The following MEOX2 variants were observed in gnomAD, a reference collection of about 807,000 sequenced individuals.
The protein encoded by MEOX2 is homeobox protein MOX-2.
In MEOX2, 11 loss-of-function variants were observed where a neutral mutation model predicts 27.0. The observed-to-expected ratio is 0.41, with a 90% CI of 0.26 to 0.68. The LOEUF (loss-of-function observed/expected upper bound fraction) is 0.68. Ranked by LOEUF, MEOX2 falls within the 30% of genes least tolerant of loss-of-function variation. The pLI is 0.33. For missense variants in MEOX2, 436 were observed against 385.4 expected (o/e 1.13, Z -1.10); for synonymous variants, 189 against 155.4 (o/e 1.22, Z -1.61).
At chr7:15,654,024 T>A (rs1235023968) in intron 1 of MEOX2, among the ~76,000 whole-genome samples, 2 of 151,960 alleles carry the variant, frequency 1.3e-5, no homozygotes, top group African/African-American at 4.8e-5. Flanking sequence ...CTATGTTAAA[T>A]TTTCCAGTCC....
chr7:15,626,755 A>G lies in MEOX2; in HGVS notation c.681T>C (p.Thr227=). The G allele has an allele frequency of 6.2e-7, 1 of 1,607,670 alleles. No individual in the cohort carries two copies. The highest frequency in any genetic ancestry group is 8.5e-7 in the Non-Finnish European group (1 of 1,176,528). The part of the protein sequence containing the change: ...RYEIAVNLDL[T]ERQVKVWFQN... ...TAATGCCCAGCTTTACCTGTCTTTCAGTGAGATCCAGATTCACTGCTATCT... is the reference window on the plus strand; with the variant it reads ...TAATGCCCAGCTTTACCTGTCTTTCGGTGAGATCCAGATTCACTGCTATCT... Residue 227 remains threonine, a synonymous_variant, in exon 2 of 3, where the codon ACT becomes ACC. Transcript: ENST00000262041.
At chr7:15,650,984 G>T (rs1387750684) in intron 1 of MEOX2, among the ~76,000 whole-genome samples, 2 of 151,992 alleles carry the variant, frequency 1.3e-5, no homozygotes, top group African/African-American at 4.8e-5. Flanking sequence ...ACAGAAGACT[G>T]AGATAGAGCA....
At chr7:15,633,409 C>T (rs1222521273) in intron 1 of MEOX2, among the ~76,000 whole-genome samples, 1 of 151,758 alleles carries the variant, frequency 6.6e-6, no homozygotes, top group Non-Finnish European at 1.5e-5. Flanking sequence ...AGTAACTTGG[C>T]AAAGGCAGAA....
At chr7:15,666,052 T>C (rs1286400210) in intron 1 of MEOX2, among the ~76,000 whole-genome samples, 1 of 152,076 alleles carries the variant, frequency 6.6e-6, no homozygotes, top group East Asian at 1.9e-4. Flanking sequence ...TGTTCAAATG[T>C]AGACTGCAGG....
intron 1 of MEOX2, among the ~76,000 whole-genome samples, chr7:15,637,249 C>G (rs1781492982): frequency 6.6e-6 from 1 of 151,950 alleles, no homozygotes; most frequent in African/African-American, 2.4e-5. Flanking sequence ...GAATGTGAAG[C>G]TTTCATCTAG....
intron 2 of MEOX2, among the ~76,000 whole-genome samples, chr7:15,614,077 TG>T (rs1781080810): frequency 6.6e-6 from 1 of 151,626 alleles, no homozygotes; most frequent in Admixed American, 6.6e-5. Context: ...ACTAGTGTTT[TG>T]TGTTTTCTTT....
chr7:15,673,830 A>C (rs909390391), intron 1 of MEOX2, among the ~76,000 whole-genome samples: 1 of 152,134 alleles, frequency 6.6e-6, no homozygotes, highest in Non-Finnish European at 1.5e-5. Context: ...GAAAACTTGA[A>C]TGTAGCTAAA....
At chr7:15,661,524 G>A (rs1781917997) in intron 1 of MEOX2, among the ~76,000 whole-genome samples, 1 of 152,162 alleles carries the variant, frequency 6.6e-6, no homozygotes, top group Admixed American at 6.5e-5. Flanking sequence ...TTTGCCAATG[G>A]GAGGGACTCA....
In MEOX2 at chr7:15,626,859, C is replaced by T. The variant is rs2115360378; in HGVS notation, c.577G>A (p.Ala193Thr). The change falls in exon 2 of 3, where the codon GCA (alanine) becomes ACA (threonine). Residue 193 changes from alanine to threonine, a missense_variant. Coordinates refer to ENST00000262041, the MANE Select transcript of MEOX2 (RefSeq NM_005924.5). ...TCTCTGATTTGCTCTTTGGTAAATG[C>T]TGTCCTTTCTTTCCTGGGTTTGCTG... Reference protein sequence around the residue: ...VNSKPRKERTAFTKEQIRELE... With the variant: ...VNSKPRKERTTFTKEQIRELE... The T allele has an allele frequency of 6.2e-7, 1 of 1,611,918 alleles. No homozygotes were observed. The highest frequency in any genetic ancestry group is 8.5e-7 in the Non-Finnish European group (1 of 1,179,320).
intron 1 of MEOX2, chr7:15,676,241 T>A (rs981673494): frequency 6.6e-6 from 1 of 152,204 alleles, no homozygotes; most frequent in African/African-American, 2.4e-5. Flanking sequence ...AAACAAATAA[T>A]TAAAATATGT....
intron 1 of MEOX2, among the ~76,000 whole-genome samples, chr7:15,684,793 G>C (rs1337657402): frequency 6.6e-6 from 1 of 152,106 alleles, no homozygotes; most frequent in African/African-American, 2.4e-5. Context: ...TTTAATCCAG[G>C]TTGCACTATA....
chr7:15,634,002 G>C (rs954227877), intron 1 of MEOX2, among the ~76,000 whole-genome samples: 3 of 151,874 alleles, frequency 2.0e-5, no homozygotes, highest in Non-Finnish European at 4.4e-5. Context: ...TAACTTTTAA[G>C]ACATGTTTAC....
rs1424281031 is a variant in MEOX2, at chr7:15,652,690, G to A, written c.518-25772C>T. Among the ~76,000 whole-genome samples the A allele has an allele frequency of 2.0e-5, 3 of 151,974 alleles. No homozygotes were observed. In the East Asian group the frequency reaches 5.8e-4, roughly 29 times the overall value. ...CAAGTTCTCTATGTCTGTAATTTTT[G>A]TCCTCTAGAGAATGCTATTTATATG... On this transcript the variant is annotated intron_variant, in intron 1 of 2. Transcript: ENST00000262041.
At chr7:15,628,827 T>C (rs938586881) in intron 1 of MEOX2, among the ~76,000 whole-genome samples, 6 of 152,110 alleles carry the variant, frequency 3.9e-5, no homozygotes, top group African/African-American at 9.7e-5. Flanking sequence ...TTCCAAATGA[T>C]TGATTTTTTT....
At chr7:15,683,934 A>C (rs565939375) in intron 1 of MEOX2, among the ~76,000 whole-genome samples, 90 of 152,304 alleles carry the variant, frequency 5.9e-4, no homozygotes, top group African/African-American at 1.9e-3. Flanking sequence ...AAAATGTAGA[A>C]ATGAATTTAA....
At chr7:15,630,818 G>C (rs1025429364) in intron 1 of MEOX2, among the ~76,000 whole-genome samples, 9 of 151,902 alleles carry the variant, frequency 5.9e-5, no homozygotes, top group African/African-American at 2.2e-4. Context: ...CACATTTAAA[G>C]GGGAAATTGC....
intron 2 of MEOX2, among the ~76,000 whole-genome samples, chr7:15,617,527 A>G (rs1403813606): frequency 1.3e-5 from 2 of 152,080 alleles, no homozygotes; most frequent in African/African-American, 4.8e-5. Context: ...AAAAATGGGG[A>G]AAAGAAAGCT....
At chr7:15,620,867 T>C (rs2115356381) in intron 2 of MEOX2, among the ~76,000 whole-genome samples, 1 of 152,296 alleles carries the variant, frequency 6.6e-6, no homozygotes, top group South Asian at 2.1e-4. Flanking sequence ...ACATTACACC[T>C]TTGATTAGCT....
intron 1 of MEOX2, among the ~76,000 whole-genome samples, chr7:15,632,622 C>A (rs1781421153): frequency 6.6e-6 from 1 of 151,642 alleles, no homozygotes; most frequent in Non-Finnish European, 1.5e-5. Context: ...TTTTAAAGGC[C>A]AGAGACACAT....
Sources: allele counts gnomAD v4.1 joint callset (sites outside exome capture counted in the v4.1 genomes callset), GRCh38; gene constraint gnomAD v4.1.1; transcripts MANE v1.5; gene names NCBI Gene and HGNC (gene_info 2026-07-23, HGNC 2026-07-21).